Variants in RALYL observed in about 807,000 individuals in gnomAD.
RALYL encodes RNA-binding Raly-like protein.
Under a neutral mutation model 35.1 loss-of-function variants are expected in RALYL, and 29 were observed. The ratio of observed to expected loss-of-function variants is 0.83; its 90% CI spans 0.61 to 1.13. The LOEUF is 1.13. Ranked by LOEUF, RALYL falls within the 50% of genes most tolerant of loss-of-function variation. The probability of loss-of-function intolerance (pLI) is 0.00; values close to 1 mark genes in which losing one functional copy is unlikely to be tolerated. For synonymous variants in RALYL, 120 were observed against 127.6 expected (o/e 0.94, Z 0.40); for missense variants, 359 against 360.4 (o/e 1.00, Z 0.03).
intron 1 of RALYL, among the ~76,000 whole-genome samples, chr8:84,494,286 A>G (rs2055725225): frequency 6.6e-6 from 1 of 152,116 alleles, no homozygotes; most frequent in Non-Finnish European, 1.5e-5. Flanking sequence ...TACCAGCACT[A>G]TGCTGTTTTG....
intron 4 of RALYL, among the ~76,000 whole-genome samples, chr8:84,838,154 C>T (rs1189186540): frequency 6.6e-6 from 1 of 152,132 alleles, no homozygotes; most frequent in Non-Finnish European, 1.5e-5. Context: ...AAAACCAACT[C>T]TTCTTAGCAA....
intron 2 of RALYL, among the ~76,000 whole-genome samples, chr8:84,560,539 T>A (rs2061412622): frequency 6.6e-6 from 1 of 152,018 alleles, no homozygotes; most frequent in Non-Finnish European, 1.5e-5. Flanking sequence ...TGATTACTAT[T>A]TCTAGCAATG....
intron 2 of RALYL, among the ~76,000 whole-genome samples, chr8:84,551,566 G>A (rs2060721135): frequency 6.6e-6 from 1 of 152,056 alleles, no homozygotes; most frequent in South Asian, 2.1e-4. Context: ...GAGTTGATAG[G>A]TAAGCACATT....
intron 2 of RALYL, among the ~76,000 whole-genome samples, chr8:84,671,359 G>A (rs146372385): frequency 6.6e-6 from 1 of 152,140 alleles, no homozygotes; most frequent in African/African-American, 2.4e-5. Flanking sequence ...CTGGGGTCTG[G>A]AGGATGGGGG....
At position 84,920,972 on chromosome 8, in the gene RALYL, G is replaced by A. The variant is rs1229563766; in HGVS notation, c.*61G>A. On this transcript the variant is annotated 3_prime_UTR_variant, in exon 9 of 9. Transcript: ENST00000521268. ...AGAAACTGTGACAACCCCCAGAAAT[G>A]TGAAAGGAGGTTTCTTACTGGACAG... is the stretch of plus-strand genomic sequence containing the variant. 7.8e-6 allele frequency: 8 copies of A among 1,023,452 alleles called. No individual in the cohort carries two copies. In the Admixed American group the frequency reaches 1.6e-4, roughly 21 times the overall value. 63.4% of individuals were successfully genotyped at this position (1,023,452 alleles called of 1,614,324 possible).
intron 8 of RALYL, among the ~76,000 whole-genome samples, chr8:84,888,408 A>C (rs1394645139): frequency 6.6e-6 from 1 of 152,184 alleles, no homozygotes; most frequent in Non-Finnish European, 1.5e-5. Context: ...GGACTTGGTA[A>C]ATGTATGCTG....
intron 8 of RALYL, among the ~76,000 whole-genome samples, chr8:84,900,219 A>T (rs1845433034): frequency 6.6e-6 from 1 of 152,224 alleles, no homozygotes; most frequent in Non-Finnish European, 1.5e-5. Flanking sequence ...GAAGCAGCTT[A>T]AAAATAAGCT....
intron 3 of RALYL, among the ~76,000 whole-genome samples, chr8:84,776,965 G>T (rs1816979305): frequency 6.6e-6 from 1 of 152,086 alleles, no homozygotes; most frequent in South Asian, 2.1e-4. Flanking sequence ...TAATAAAGGG[G>T]ATACAAAAAC....
chr8:84,351,006 G>T (rs1850784073), intron 1 of RALYL, among the ~76,000 whole-genome samples: 1 of 149,800 alleles, frequency 6.7e-6, no homozygotes, highest in Non-Finnish European at 1.5e-5. Flanking sequence ...GCATGACATT[G>T]TTTTTCATAA....
At chr8:84,218,434 T>C (rs1414165009) in intron 1 of RALYL, among the ~76,000 whole-genome samples, 1 of 152,072 alleles carries the variant, frequency 6.6e-6, no homozygotes, top group Non-Finnish European at 1.5e-5. Context: ...AACTGTGACA[T>C]GCCTTCAATT....
At chr8:84,290,632 G>T (rs1292751798) in intron 1 of RALYL, among the ~76,000 whole-genome samples, 2 of 152,260 alleles carry the variant, frequency 1.3e-5, no homozygotes, top group African/African-American at 2.4e-5. Flanking sequence ...AATGTCATCA[G>T]TTAAGGTGGG....
intron 1 of RALYL, among the ~76,000 whole-genome samples, chr8:84,199,753 G>A (rs976972910): frequency 1.4e-4 from 21 of 152,112 alleles, no homozygotes; most frequent in Admixed American, 1.0e-3. Context: ...TAAAGAAACT[G>A]TCTTTTCCCC....
chr8:84,838,317 C>T (rs577936107), intron 4 of RALYL, among the ~76,000 whole-genome samples: 2 of 152,104 alleles, frequency 1.3e-5, no homozygotes, highest in South Asian at 4.2e-4. Context: ...GAAAAGGATC[C>T]CCTCCCCCAC....
chr8:84,271,401 G>T (rs1834284325), intron 1 of RALYL, among the ~76,000 whole-genome samples: 1 of 150,030 alleles, frequency 6.7e-6, no homozygotes, highest in Admixed American at 6.7e-5. Context: ...TGAGTATGTG[G>T]GGAAACTAGG....
At chr8:84,835,044 A>G (rs979566996) in intron 4 of RALYL, among the ~76,000 whole-genome samples, 1 of 152,192 alleles carries the variant, frequency 6.6e-6, no homozygotes. Flanking sequence ...GAGATGGATC[A>G]TAGTCTACAG....
intron 1 of RALYL, among the ~76,000 whole-genome samples, chr8:84,261,865 G>T (rs1382781529): frequency 6.6e-6 from 1 of 151,894 alleles, no homozygotes; most frequent in East Asian, 1.9e-4. Flanking sequence ...ACTTTAAGCT[G>T]CATTTTTGAA....
chr8:84,251,027 G>C (rs1208527545), intron 1 of RALYL, among the ~76,000 whole-genome samples: 1 of 152,042 alleles, frequency 6.6e-6, no homozygotes, highest in East Asian at 1.9e-4. Flanking sequence ...ATTCGAAAAG[G>C]AGTAATGGTG....
intron 1 of RALYL, among the ~76,000 whole-genome samples, chr8:84,347,244 A>G (rs558076798): frequency 3.3e-5 from 5 of 152,060 alleles, no homozygotes; most frequent in East Asian, 1.9e-4. Context: ...TAGCCCCCCA[A>G]TCTTGTTATT....
At chr8:84,661,310 T>C (rs75179875) in intron 2 of RALYL, among the ~76,000 whole-genome samples, 1,718 of 152,256 alleles carry the variant, frequency 0.011, 36 homozygotes, top group African/African-American at 0.036. Context: ...GTAAGATATA[T>C]GAGTCAAAGT....
Sources: gnomAD v4.1 joint callset for allele counts (sites outside exome capture counted in the v4.1 genomes callset) on GRCh38, gnomAD v4.1.1 for gene constraint, MANE v1.5 for transcripts, NCBI Gene and HGNC (gene_info 2026-07-23, HGNC 2026-07-21) for gene names.